The following CEP85L variants were observed in gnomAD, a reference collection of about 807,000 sequenced individuals.
CEP85L encodes the protein centrosomal protein of 85 kDa-like.
Under a neutral mutation model 100.3 loss-of-function variants are expected in CEP85L, and 60 were observed. The observed-to-expected ratio is 0.60, with a 90% CI of 0.49 to 0.74. CEP85L has a LOEUF of 0.74. CEP85L is among the 30% of genes least tolerant of loss of function. The pLI is 0.00. For synonymous variants in CEP85L, 319 were observed against 322.7 expected (o/e 0.99, Z 0.12); for missense variants, 973 against 936.2 (o/e 1.04, Z -0.51).
chr6:118,597,289 TA>T (rs921298410), intron 2 of CEP85L, among the ~76,000 whole-genome samples: 4 of 152,228 alleles, frequency 2.6e-5, no homozygotes, highest in Non-Finnish European at 5.9e-5. Context: ...GAATAGCTTC[TA>T]AATAACAGTA....
chr6:118,527,202 T>C (rs921375831), intron 3 of CEP85L, among the ~76,000 whole-genome samples: 2 of 151,856 alleles, frequency 1.3e-5, no homozygotes, highest in Non-Finnish European at 2.9e-5. Flanking sequence ...CGGAGGTTTC[T>C]CCATGTTGGT....
At chr6:118,553,634 A>C (rs1464327589) in intron 3 of CEP85L, among the ~76,000 whole-genome samples, 1 of 152,204 alleles carries the variant, frequency 6.6e-6, no homozygotes, top group Non-Finnish European at 1.5e-5. Flanking sequence ...ACAGGATACT[A>C]TTTTTGGTCA....
At chr6:118,479,160 C>T (rs1773597788) in intron 10 of CEP85L, among the ~76,000 whole-genome samples, 1 of 152,084 alleles carries the variant, frequency 6.6e-6, no homozygotes, top group Non-Finnish European at 1.5e-5. Context: ...TAACCTCTGT[C>T]AATCAATCCA....
intron 3 of CEP85L, among the ~76,000 whole-genome samples, chr6:118,528,135 T>C (rs1269978591): frequency 6.6e-6 from 1 of 152,062 alleles, no homozygotes; most frequent in Admixed American, 6.6e-5. Flanking sequence ...AACACTATTT[T>C]ACTCTTCACA....
upstream of CEP85L, among the ~76,000 whole-genome samples, chr6:118,655,226 G>A (rs994722031): frequency 6.6e-6 from 1 of 152,130 alleles, no homozygotes; most frequent in African/African-American, 2.4e-5. Flanking sequence ...ATTCCTGGGA[G>A]GTACAGAAAA....
intron 1 of CEP85L, among the ~76,000 whole-genome samples, chr6:118,659,723 A>G (rs1775910877): frequency 6.6e-6 from 1 of 152,208 alleles, no homozygotes; most frequent in South Asian, 2.1e-4. Flanking sequence ...CTCACCCTTG[A>G]AGGTCAGTCT....
intron 1 of CEP85L, among the ~76,000 whole-genome samples, chr6:118,704,481 T>A (rs570155318): frequency 1.3e-5 from 2 of 152,266 alleles, no homozygotes; most frequent in African/African-American, 4.8e-5. Context: ...TTTGCTTTTT[T>A]GTTTTGAGAC....
At chr6:118,597,079 C>G (rs1373232400) in intron 2 of CEP85L, among the ~76,000 whole-genome samples, 2 of 152,090 alleles carry the variant, frequency 1.3e-5, no homozygotes, top group African/African-American at 4.8e-5. Context: ...CTCGAAACTT[C>G]TCTCTCCTGA....
chr6:118,521,363 C>T (rs574806855), intron 4 of CEP85L, among the ~76,000 whole-genome samples: 3 of 152,138 alleles, frequency 2.0e-5, no homozygotes, highest in Non-Finnish European at 4.4e-5. Context: ...GACAGTTATG[C>T]TGCTTTAGAA....
intron 12 of CEP85L, 86 bp from the exon 13 acceptor site, chr6:118,465,654 T>C (rs567788760): frequency 6.4e-6 from 8 of 1,255,058 alleles, no homozygotes; most frequent in African/African-American, 4.4e-5. Flanking sequence ...ATCATGGAAA[T>C]ACAGTGCTAC....
At chr6:118,484,522 T>C (rs1774032446) in intron 6 of CEP85L, among the ~76,000 whole-genome samples, 1 of 152,212 alleles carries the variant, frequency 6.6e-6, no homozygotes, top group South Asian at 2.1e-4. Flanking sequence ...AATATTGTCA[T>C]ATACATGTAG....
At chr6:118,708,394 G>A (rs1777669994) in intron 1 of CEP85L, among the ~76,000 whole-genome samples, 1 of 152,214 alleles carries the variant, frequency 6.6e-6, no homozygotes, top group Non-Finnish European at 1.5e-5. Flanking sequence ...TGTGGTCCAG[G>A]ATAGCTGAAC....
At chr6:118,521,759 A>G (rs995327622) in intron 4 of CEP85L, among the ~76,000 whole-genome samples, 1 of 152,148 alleles carries the variant, frequency 6.6e-6, no homozygotes, top group Admixed American at 6.6e-5. Context: ...AAGACAAGCC[A>G]TCCTGCCGTG....
chr6:118,511,028 C>T (rs1473360232), intron 5 of CEP85L, among the ~76,000 whole-genome samples: 3 of 151,866 alleles, frequency 2.0e-5, no homozygotes, highest in Non-Finnish European at 4.4e-5. Flanking sequence ...AAGGATAAAA[C>T]ACACTTATAT....
intron 2 of CEP85L, among the ~76,000 whole-genome samples, chr6:118,580,294 C>A (rs1780497900): frequency 6.6e-6 from 1 of 152,182 alleles, no homozygotes; most frequent in Non-Finnish European, 1.5e-5. Context: ...GAGAAAAGGA[C>A]CCTGGTATTC....
intron 4 of CEP85L, among the ~76,000 whole-genome samples, chr6:118,514,660 G>C (rs537731501): frequency 6.6e-6 from 1 of 152,114 alleles, no homozygotes; most frequent in East Asian, 1.9e-4. Flanking sequence ...TAAAAAGTAG[G>C]ACCTAACTAT....
At chr6:118,586,922 G>T (rs778971240) in intron 2 of CEP85L, among the ~76,000 whole-genome samples, 3 of 152,152 alleles carry the variant, frequency 2.0e-5, no homozygotes, top group Non-Finnish European at 4.4e-5. Context: ...AATTACTACT[G>T]CATTTTGCTT....
intron 2 of CEP85L, among the ~76,000 whole-genome samples, chr6:118,584,407 TG>T (rs1780743006): frequency 1.3e-5 from 2 of 152,278 alleles, no homozygotes; most frequent in Admixed American, 1.3e-4. Context: ...TTGTAGACTA[TG>T]GATACCTGGG....
At chr6:118,530,973 C>G (rs1380367609) in intron 3 of CEP85L, among the ~76,000 whole-genome samples, 1 of 152,070 alleles carries the variant, frequency 6.6e-6, no homozygotes, top group Non-Finnish European at 1.5e-5. Context: ...TATCAAACTA[C>G]CAATGACATT....
Sources: gnomAD v4.1 joint callset for allele counts (sites outside exome capture counted in the v4.1 genomes callset) on GRCh38, gnomAD v4.1.1 for gene constraint, MANE v1.5 for transcripts, NCBI Gene and HGNC (gene_info 2026-07-23, HGNC 2026-07-21) for gene names.